SDK1: variants seen among roughly 807,000 people sequenced by gnomAD.
SDK1 encodes protein sidekick-1.
In SDK1, 157 loss-of-function variants were observed where a neutral mutation model predicts 245.5. The ratio of observed to expected loss-of-function variants is 0.64; its 90% confidence interval spans 0.56 to 0.73. SDK1 has a LOEUF of 0.73. SDK1 is among the 30% of genes least tolerant of loss of function. The pLI is 0.00. For synonymous variants in SDK1, 1,647 were observed against 1,278.5 expected, an observed-to-expected ratio of 1.29 and a Z score of -6.15; for missense variants, 3,583 against 3,002.3, an observed-to-expected ratio of 1.19 and a Z score of -4.52.
intron 25 of SDK1, among the ~76,000 whole-genome samples, chr7:4,121,409 G>C (rs1784057726): frequency 6.6e-6 from 1 of 152,148 alleles, no homozygotes. Context: ...ATGATAGTGA[G>C]TGAGTTCTCA....
intron 5 of SDK1, among the ~76,000 whole-genome samples, chr7:3,937,219 C>T (rs746025910): frequency 2.0e-5 from 3 of 152,194 alleles, no homozygotes; most frequent in Non-Finnish European, 4.4e-5. Context: ...ACTCTGTTCA[C>T]TCAACAGGTA....
At chr7:3,449,344 A>C (rs766373770) in intron 1 of SDK1, among the ~76,000 whole-genome samples, 1 of 151,096 alleles carries the variant, frequency 6.6e-6, no homozygotes, top group African/African-American at 2.4e-5. Flanking sequence ...TAATGTCCTC[A>C]GGCTTGGTGG....
At chr7:3,791,150 G>A (rs986670787) in intron 4 of SDK1, among the ~76,000 whole-genome samples, 2 of 151,534 alleles carry the variant, frequency 1.3e-5, no homozygotes, top group Non-Finnish European at 2.9e-5. Context: ...TACATAAGTG[G>A]TAGTTTAAAA....
intron 4 of SDK1, among the ~76,000 whole-genome samples, chr7:3,683,462 A>G (rs1195679471): frequency 3.3e-5 from 5 of 152,084 alleles, no homozygotes; most frequent in Admixed American, 6.6e-5. Context: ...AGGTTATTAT[A>G]ATGATTTTTA....
At chr7:3,628,059 C>T (rs912515818) in intron 2 of SDK1, among the ~76,000 whole-genome samples, 4 of 152,110 alleles carry the variant, frequency 2.6e-5, no homozygotes, top group African/African-American at 9.7e-5. Flanking sequence ...TTGGAAGGCT[C>T]TTCCTTAACT....
chr7:3,943,855 T>C (rs1268459019), intron 5 of SDK1, among the ~76,000 whole-genome samples: 1 of 152,172 alleles, frequency 6.6e-6, no homozygotes, highest in Admixed American at 6.5e-5. Flanking sequence ...AGGCTTCATT[T>C]CCCTCTGCTG....
intron 5 of SDK1, among the ~76,000 whole-genome samples, chr7:3,850,595 T>G (rs941925569): frequency 2.6e-5 from 4 of 152,196 alleles, no homozygotes; most frequent in African/African-American, 4.8e-5. Context: ...TAGCAAAGAC[T>G]TGGAACCAAC....
chr7:4,250,972 C>G (rs1419827215), intron 44 of SDK1, among the ~76,000 whole-genome samples: 1 of 152,136 alleles, frequency 6.6e-6, no homozygotes, highest in Admixed American at 6.5e-5. Flanking sequence ...CCCTGGCAGC[C>G]ACTTTCTGTC....
chr7:3,414,006 G>C (rs1410298483), intron 1 of SDK1, among the ~76,000 whole-genome samples: 3 of 152,140 alleles, frequency 2.0e-5, no homozygotes, highest in African/African-American at 4.8e-5. Context: ...CTGCTGAGTG[G>C]AGAATGGATT....
chr7:4,255,651 G>A (rs1231567086), intron 44 of SDK1, among the ~76,000 whole-genome samples: 1 of 152,216 alleles, frequency 6.6e-6, no homozygotes, highest in East Asian at 1.9e-4. Flanking sequence ...TCAACATGGA[G>A]TTGGGTTGGG....
At chr7:3,386,709 A>G (rs879330461) in intron 1 of SDK1, among the ~76,000 whole-genome samples, 6 of 152,122 alleles carry the variant, frequency 3.9e-5, no homozygotes, top group African/African-American at 7.2e-5. Context: ...GTAGGTAGGG[A>G]GTGCAGCTGT....
At chr7:3,752,256 T>A (rs1239957723) in intron 4 of SDK1, among the ~76,000 whole-genome samples, 1 of 152,218 alleles carries the variant, frequency 6.6e-6, no homozygotes, top group East Asian at 1.9e-4. Flanking sequence ...GGATCAATTA[T>A]TTGTATCTTA....
Position 4,026,090 on chromosome 7 carries a change from G to A in SDK1, c.2602+8738G>A, listed in dbSNP as rs1024005513. Among the ~76,000 whole-genome samples the A allele has an allele frequency of 2.0e-5, 3 of 152,364 alleles. No individual in the cohort carries two copies. Among genetic ancestry groups the A allele is most frequent in the East Asian group, 1.9e-4 (1 of 5,184 alleles). On this transcript the variant is annotated intron_variant, in intron 17 of 44. Transcript: ENST00000404826. This position sits in a 1 kb window ranked among gnomAD's most constrained non-coding sequence, Gnocchi z 4.1. ...GTATGCCACTCAGCACCCTGGACAC[G>A]CCAGGCCGCAGCGCTGGTCTTCCAC...
intron 1 of SDK1, among the ~76,000 whole-genome samples, chr7:3,395,928 CTGT>C (rs1781885195): frequency 1.3e-5 from 2 of 151,674 alleles, no homozygotes; most frequent in Admixed American, 6.6e-5. Flanking sequence ...AATTTTTCCT[CTGT>C]TGTTTTTCTG....
At chr7:3,415,739 A>T (rs1190023069) in intron 1 of SDK1, among the ~76,000 whole-genome samples, 1 of 150,594 alleles carries the variant, frequency 6.6e-6, no homozygotes, top group African/African-American at 2.4e-5. Flanking sequence ...ATATATATTC[A>T]TATACAAATC....
chr7:3,996,162 A>G (rs1051610057), intron 14 of SDK1, among the ~76,000 whole-genome samples: 2 of 152,126 alleles, frequency 1.3e-5, no homozygotes, highest in Admixed American at 6.5e-5. Context: ...TAAATAATCT[A>G]TTTATTTATG....
intron 1 of SDK1, among the ~76,000 whole-genome samples, chr7:3,584,026 C>T (rs1242054430): frequency 1.3e-5 from 2 of 152,152 alleles, no homozygotes; most frequent in Non-Finnish European, 2.9e-5. Context: ...AACGGAATGC[C>T]AATCTAAGGT....
intron 1 of SDK1, among the ~76,000 whole-genome samples, chr7:3,590,948 A>T (rs1348723833): frequency 6.6e-6 from 1 of 151,958 alleles, no homozygotes; most frequent in Non-Finnish European, 1.5e-5. Flanking sequence ...ACACGTGGCT[A>T]ATTTTTGTAT....
intron 31 of SDK1, among the ~76,000 whole-genome samples, chr7:4,159,469 A>C (rs1254862538): frequency 6.6e-6 from 1 of 152,236 alleles, no homozygotes; most frequent in Non-Finnish European, 1.5e-5. Flanking sequence ...AACAGGCCCC[A>C]GCTGTGCTCC....
Sources: gnomAD v4.1 joint callset for allele counts (sites outside exome capture counted in the v4.1 genomes callset) on GRCh38, gnomAD v4.1.1 for gene constraint, Gnocchi (gnomAD v3.1) non-coding constraint, MANE v1.5 for transcripts, NCBI Gene and HGNC (gene_info 2026-07-23, HGNC 2026-07-21) for gene names.